The following PDE1C variants were observed in gnomAD, a reference collection of about 807,000 sequenced individuals.
PDE1C encodes the protein dual specificity calcium/calmodulin-dependent 3',5'-cyclic nucleotide phosphodiesterase 1C.
Under a neutral mutation model 93.1 loss-of-function variants are expected in PDE1C, and 62 were observed. The observed-to-expected ratio is 0.67, with a 90% confidence interval of 0.54 to 0.82. The LOEUF is 0.82. PDE1C is among the 40% of genes least tolerant of loss of function. The probability of loss-of-function intolerance (pLI) is 0.00; values close to 1 mark genes in which losing one functional copy is unlikely to be tolerated. For synonymous variants in PDE1C, 325 were observed against 310.1 expected (o/e 1.05, Z -0.50); for missense variants, 742 against 884.6 (o/e 0.84, Z 2.04).
chr7:32,090,541 T>G (rs1295619613), intron 3 of PDE1C, among the ~76,000 whole-genome samples: 1 of 152,216 alleles, frequency 6.6e-6, no homozygotes, highest in Non-Finnish European at 1.5e-5. Flanking sequence ...TTAATCATTA[T>G]TTCAGAGTTT....
chr7:31,996,085 A>C (rs868495612), intron 2 of PDE1C, among the ~76,000 whole-genome samples: 18 of 151,502 alleles, frequency 1.2e-4, no homozygotes, highest in African/African-American at 4.4e-4. Context: ...ACACACACAC[A>C]CACACACACA....
chr7:31,727,071 T>C, the PDE1C span, among the ~76,000 whole-genome samples: 1,147 of 152,092 alleles, frequency 7.5e-3, 12 homozygotes, highest in African/African-American at 0.026. Context: ...AAAAAGATGC[T>C]CAGTCTTAGA....
intron 2 of PDE1C, among the ~76,000 whole-genome samples, chr7:31,994,372 T>C (rs1283799649): frequency 6.6e-6 from 1 of 152,192 alleles, no homozygotes; most frequent in Non-Finnish European, 1.5e-5. Flanking sequence ...TAAGAGGTCA[T>C]GTGCTTCATG....
chr7:31,688,592 C>T, the PDE1C span, among the ~76,000 whole-genome samples: 2 of 152,218 alleles, frequency 1.3e-5, no homozygotes, highest in Admixed American at 6.5e-5. Flanking sequence ...AGAAGGTGAC[C>T]TTTGTCATTA....
In PDE1C at chr7:32,130,441, G is replaced by A. The variant is rs116513140; in HGVS notation, c.308+39344C>T. On this transcript the variant is annotated intron_variant, in intron 3 of 18. Coordinates refer to the PDE1C transcript ENST00000396193. The stretch of plus-strand genomic sequence containing the variant: ...TCCTCCCTGCTTTCTCTCTCCCTCC[G>A]TTTCCTGTGGTATTCTGGAAAAAGT... Among the ~76,000 whole-genome samples, 456 of 151,584 alleles carry A rather than the reference G, an allele frequency of 3.0e-3. 4 individuals are homozygous for A. Among genetic ancestry groups the A allele is most frequent in the African/African-American group, 0.01 (429 of 41,306 alleles).
chr7:31,793,190 TG>T, intron 16 of PDE1C, among the ~76,000 whole-genome samples: 1 of 151,996 alleles, frequency 6.6e-6, no homozygotes, highest in Non-Finnish European at 1.5e-5. Context: ...CTTAAAACCA[TG>T]TGATTTAAAG....
chr7:31,762,852 A>G (rs1287546187), intron 17 of PDE1C, among the ~76,000 whole-genome samples: 1 of 152,172 alleles, frequency 6.6e-6, no homozygotes, highest in Admixed American at 6.5e-5. Flanking sequence ...AGATGACCCA[A>G]CCAGCATTTC....
At position 32,237,149 on chromosome 7, in the gene PDE1C, C is replaced by A. The variant is rs546652797; in HGVS notation, c.86-27610G>T. Among the ~76,000 whole-genome samples the A allele has an allele frequency of 7.5e-5, 11 of 146,836 alleles. No individual in the cohort carries two copies. In the South Asian group the frequency reaches 2.4e-3, roughly 32 times the overall value. On this transcript the variant is annotated intron_variant, in intron 1 of 18. Coordinates refer to the PDE1C transcript ENST00000396193. ...TCGCCCAGGCTGGAGTGCAGTGGCG[C>A]GATCTCGGCTCACTGCAAGTTCTAC...
At chr7:31,836,580 G>C (rs918832836) in intron 11 of PDE1C, among the ~76,000 whole-genome samples, 1 of 151,940 alleles carries the variant, frequency 6.6e-6, no homozygotes, top group Non-Finnish European at 1.5e-5. Flanking sequence ...TGATCCACCC[G>C]CCTTGGCCTC....
intron 1 of PDE1C, among the ~76,000 whole-genome samples, chr7:32,284,277 AG>A (rs1372699683): frequency 2.0e-5 from 3 of 152,242 alleles, no homozygotes; most frequent in Non-Finnish European, 4.4e-5. Context: ...TGCATAGAAT[AG>A]GGGCAAACTG....
chr7:31,993,441 G>A (rs1228861673), intron 2 of PDE1C, among the ~76,000 whole-genome samples: 1 of 152,286 alleles, frequency 6.6e-6, no homozygotes, highest in Middle Eastern at 3.4e-3. Context: ...TAAGTTAGAA[G>A]GGAACAAGAA....
chr7:31,686,581 C>G, the PDE1C span: 2 of 152,088 alleles, frequency 1.3e-5, no homozygotes, highest in African/African-American at 4.8e-5. Context: ...ATTTCATTAC[C>G]CCATTCAAAC....
At chr7:31,648,076 A>G in the PDE1C span, among the ~76,000 whole-genome samples, 1 of 152,198 alleles carries the variant, frequency 6.6e-6, no homozygotes, top group South Asian at 2.1e-4. Context: ...TCCAGAAAAG[A>G]AAATGAGATC....
chr7:31,694,069 T>C, the PDE1C span, among the ~76,000 whole-genome samples: 1 of 152,198 alleles, frequency 6.6e-6, no homozygotes, highest in Non-Finnish European at 1.5e-5. Flanking sequence ...TATTTATTAA[T>C]TGCTGCTGAA....
chr7:32,136,417 C>T (rs1425964277), intron 3 of PDE1C, among the ~76,000 whole-genome samples: 1 of 152,018 alleles, frequency 6.6e-6, no homozygotes, highest in African/African-American at 2.4e-5. Context: ...TCTCGGCTCA[C>T]TTGCATTATT....
chr7:31,741,341 T>C, the PDE1C span, among the ~76,000 whole-genome samples: 2 of 152,304 alleles, frequency 1.3e-5, no homozygotes, highest in Non-Finnish European at 2.9e-5. Context: ...CCTTACCTTA[T>C]CCAGCTTCAA....
chr7:31,707,157 G>A, the PDE1C span: 2 of 1,557,606 alleles, frequency 1.3e-6, no homozygotes, highest in Non-Finnish European at 8.8e-7. Flanking sequence ...GTTGCCTAAT[G>A]TTTTAATTAG....
intron 2 of PDE1C, among the ~76,000 whole-genome samples, chr7:31,977,462 T>C (rs1170443974): frequency 6.6e-6 from 1 of 152,210 alleles, no homozygotes; most frequent in Non-Finnish European, 1.5e-5. Context: ...TAGGCTTCTT[T>C]ATATAGCTAG....
chr7:32,326,474 C>T (rs575412734), intron 1 of PDE1C, among the ~76,000 whole-genome samples: 9 of 152,114 alleles, frequency 5.9e-5, no homozygotes, highest in South Asian at 4.1e-4. Flanking sequence ...CTGTACAGGG[C>T]GAGTCAGTGA....
Sources: allele counts gnomAD v4.1 joint callset (sites outside exome capture counted in the v4.1 genomes callset), GRCh38; gene constraint gnomAD v4.1.1; transcripts MANE v1.5; gene names NCBI Gene and HGNC (gene_info 2026-07-23, HGNC 2026-07-21).